CNBD2: variants seen among roughly 807,000 people sequenced by gnomAD.
CNBD2 encodes cyclic nucleotide-binding domain-containing protein 2.
CNBD2 carries 64 observed loss-of-function variants against 63.7 expected under a neutral mutation model. That is an observed-to-expected ratio of 1.00 (90% CI 0.82 to 1.24). The LOEUF is 1.24. CNBD2 is among the 50% of genes most tolerant of loss of function. The pLI is 0.00. For synonymous variants in CNBD2, 229 were observed against 255.4 expected, an observed-to-expected ratio of 0.90 and a Z score of 0.99; for missense variants, 691 against 713.5, an observed-to-expected ratio of 0.97 and a Z score of 0.36.
chr20:35,993,526 G>A (rs964114495), intron 7 of CNBD2, among the ~76,000 whole-genome samples: 3 of 152,114 alleles, frequency 2.0e-5, no homozygotes, highest in Non-Finnish European at 4.4e-5. Flanking sequence ...ATATTGTTTG[G>A]CATGAAAAGA....
chr20:35,958,640 TTGTG>T (rs141670470), downstream of CNBD2, among the ~76,000 whole-genome samples: 4 of 149,546 alleles, frequency 2.7e-5, no homozygotes, highest in South Asian at 8.5e-4. Flanking sequence ...ATACATGCAT[TTGTG>T]TGTGTGTGTG....
intron 8 of CNBD2, among the ~76,000 whole-genome samples, chr20:35,996,214 GCTAGAAT>G (rs1311389828): frequency 1.3e-5 from 2 of 152,126 alleles, no homozygotes; most frequent in Admixed American, 1.3e-4. Flanking sequence ...TGTTTCCCTT[GCTAGAAT>G]ATAAGCTCTA....
chr20:35,969,765 A>G (rs1014476430), intron 1 of CNBD2, among the ~76,000 whole-genome samples: 2 of 152,292 alleles, frequency 1.3e-5, no homozygotes, highest in South Asian at 2.1e-4. Flanking sequence ...TGTTGCCATG[A>G]TTACCCTCAT....
chr20:36,015,028 A>G lies in CNBD2; in HGVS notation c.1269+3771A>G, dbSNP rs150472240. Among the ~76,000 whole-genome samples the G allele has an allele frequency of 3.8e-3, 581 of 152,222 alleles. 4 individuals are homozygous for G. The highest frequency in any genetic ancestry group is 0.017 in the Middle Eastern group (5 of 294). ...TTGCAAATCTTTGCCAACATTTGTC[A>G]TATTTTGTCTTTTTGATAGTAACCA... is the stretch of plus-strand genomic sequence containing the variant. On this transcript the variant is annotated intron_variant, in intron 10 of 11. Transcript: ENST00000373973.
At chr20:35,960,517 G>GT (rs1052891070) in intron 2 of CNBD2, among the ~76,000 whole-genome samples, 1 of 151,998 alleles carries the variant, frequency 6.6e-6, no homozygotes, top group Admixed American at 6.5e-5. Flanking sequence ...TTGTTTTTTT[G>GT]TTTGTTTGTT....
upstream of CNBD2, among the ~76,000 whole-genome samples, chr20:35,963,963 A>G (rs1555807259): frequency 6.6e-6 from 1 of 152,216 alleles, no homozygotes; most frequent in Non-Finnish European, 1.5e-5. Context: ...TACCTCAACT[A>G]AAGACAAGCA....
chr20:36,022,488 G>C (rs548774916), intron 10 of CNBD2, among the ~76,000 whole-genome samples: 1 of 151,964 alleles, frequency 6.6e-6, no homozygotes, highest in East Asian at 1.9e-4. Flanking sequence ...ATGAGCCACT[G>C]CGCCCAGCCC....
At chr20:36,026,202 T>G (rs1404500201) in intron 11 of CNBD2, among the ~76,000 whole-genome samples, 1 of 152,024 alleles carries the variant, frequency 6.6e-6, no homozygotes, top group African/African-American at 2.4e-5. Context: ...CCTGGCTAAT[T>G]TTTTTGTATT....
At chr20:36,025,070 T>C (rs2057267321) in intron 11 of CNBD2, among the ~76,000 whole-genome samples, 1 of 152,228 alleles carries the variant, frequency 6.6e-6, no homozygotes, top group Non-Finnish European at 1.5e-5. Context: ...ATTCTCTTGA[T>C]AGAACATAAT....
chr20:36,028,190 C>T (rs2057303480), intron 11 of CNBD2, among the ~76,000 whole-genome samples: 1 of 152,120 alleles, frequency 6.6e-6, no homozygotes, highest in Non-Finnish European at 1.5e-5. Flanking sequence ...TTGCCTGGCA[C>T]ATGATGGGGA....
intron 7 of CNBD2, among the ~76,000 whole-genome samples, chr20:35,991,884 TA>T (rs1214262083): frequency 2.6e-5 from 4 of 151,984 alleles, no homozygotes; most frequent in South Asian, 2.1e-4. Flanking sequence ...CTTCTTCTTT[TA>T]TTTTTTTTTT....
At chr20:36,004,852 C>T (rs774539739) in intron 8 of CNBD2, among the ~76,000 whole-genome samples, 9 of 152,112 alleles carry the variant, frequency 5.9e-5, no homozygotes, top group Admixed American at 1.3e-4. Context: ...CATGAGCCAC[C>T]GCATCTATCC....
At chr20:35,966,938 C>A (rs976286397), upstream of CNBD2, among the ~76,000 whole-genome samples, 1 of 152,212 alleles carries the variant, frequency 6.6e-6, no homozygotes, top group Non-Finnish European at 1.5e-5. Flanking sequence ...CTTTTGCTTT[C>A]CCTTCACCAG....
At chr20:36,010,376 C>T (rs2057041528) in intron 9 of CNBD2, among the ~76,000 whole-genome samples, 1 of 149,376 alleles carries the variant, frequency 6.7e-6, no homozygotes. Context: ...TCTGAAGAAT[C>T]TAGGTTGCAG....
At chr20:36,010,458 AAAAAG>A (rs1307541075) in intron 9 of CNBD2, among the ~76,000 whole-genome samples, 1 of 151,754 alleles carries the variant, frequency 6.6e-6, no homozygotes, top group East Asian at 1.9e-4. Context: ...AAAAAAAAAA[AAAAAG>A]AAAAGAAAAG....
chr20:36,020,238 C>T (rs6119691), intron 10 of CNBD2, among the ~76,000 whole-genome samples: 2,683 of 152,202 alleles, frequency 0.018, 75 homozygotes, highest in African/African-American at 0.061. Context: ...ACCCGCACCA[C>T]GCCCGGCTAA....
At chr20:35,960,792 CCTTCT>C (rs2056302339) in intron 2 of CNBD2, among the ~76,000 whole-genome samples, 6 of 132,238 alleles carry the variant, frequency 4.5e-5, no homozygotes, top group African/African-American at 2.0e-4. Context: ...CATTCTCTTC[CCTTCT>C]CTTCCCTTCT....
chr20:36,007,014 C>A (rs1287103975), intron 8 of CNBD2, among the ~76,000 whole-genome samples: 1 of 151,862 alleles, frequency 6.6e-6, no homozygotes, highest in African/African-American at 2.4e-5. Flanking sequence ...ATGGTGAAAC[C>A]CTGTCTCTAC....
chr20:36,025,096 AT>A (rs1568933657), intron 11 of CNBD2, among the ~76,000 whole-genome samples: 1 of 152,236 alleles, frequency 6.6e-6, no homozygotes, highest in Non-Finnish European at 1.5e-5. Flanking sequence ...TATTTAAAAA[AT>A]GGTAAGCTTA....
Sources: allele counts gnomAD v4.1 joint callset (sites outside exome capture counted in the v4.1 genomes callset), GRCh38; gene constraint gnomAD v4.1.1; transcripts MANE v1.5; gene names NCBI Gene and HGNC (gene_info 2026-07-23, HGNC 2026-07-21).